GASK1A: variants seen among roughly 807,000 people sequenced by gnomAD.
GASK1A encodes golgi associated kinase 1A.
In GASK1A, 40 loss-of-function variants were observed where a neutral mutation model predicts 41.2. That is an observed-to-expected ratio of 0.97 (90% CI 0.75 to 1.27). GASK1A has a LOEUF of 1.27. Among genes scored for constraint, GASK1A ranks in the 50% most tolerant of loss-of-function variants. The pLI is 0.00. For missense variants in GASK1A, 678 were observed against 745.1 expected (o/e 0.91, Z 1.05); for synonymous variants, 316 against 307.1 (o/e 1.03, Z -0.30).
At chr3:43,051,335 A>C (rs577660860) in intron 2 of GASK1A, among the ~76,000 whole-genome samples, 2 of 152,264 alleles carry the variant, frequency 1.3e-5, no homozygotes, top group South Asian at 4.2e-4. Context: ...GATTTTCATG[A>C]ATTTCCGGAG....
At chr3:43,000,625 C>T (rs1346879929) in intron 1 of GASK1A, among the ~76,000 whole-genome samples, 1 of 152,240 alleles carries the variant, frequency 6.6e-6, no homozygotes, top group Non-Finnish European at 1.5e-5. Flanking sequence ...TGTTACATTC[C>T]TCTGTCACAT....
chr3:42,999,815 G>GGA (rs2089399941), intron 1 of GASK1A, among the ~76,000 whole-genome samples: 1 of 152,140 alleles, frequency 6.6e-6, no homozygotes, highest in Non-Finnish European at 1.5e-5. Context: ...AGGTTCTAGG[G>GGA]GAGAATCCTT....
chr3:43,001,779 C>G (rs2089410374), intron 1 of GASK1A, among the ~76,000 whole-genome samples: 1 of 152,142 alleles, frequency 6.6e-6, no homozygotes, highest in Non-Finnish European at 1.5e-5. Context: ...TGGAGGCAGT[C>G]AAGTTTGCTT....
intron 2 of GASK1A, among the ~76,000 whole-genome samples, chr3:43,043,539 G>A (rs2089648184): frequency 6.6e-6 from 1 of 152,162 alleles, no homozygotes; most frequent in African/African-American, 2.4e-5. Flanking sequence ...ATGTTCTGGG[G>A]ACTGGATCAC....
Position 42,979,470 on chromosome 3 carries a change from C to G in GASK1A, c.-173C>G. 1 of 612,638 alleles carries G rather than the reference C, an allele frequency of 1.6e-6. No individual in the cohort carries two copies. The highest frequency in any genetic ancestry group is 2.4e-6 in the Non-Finnish European group (1 of 422,496). 38.0% of individuals were successfully genotyped at this position (612,638 alleles called of 1,614,324 possible). ...TCTCCCGAGAGTTGGCGCAGGGCCA[C>G]TTGGCTGCAGAGAACGTGTGCACCT... On this transcript the variant is annotated 5_prime_UTR_variant, in exon 1 of 5. Coordinates refer to ENST00000430121, the MANE Select transcript of GASK1A (RefSeq NM_001129908.3).
chr3:43,050,096 T>C (rs1279995522), intron 2 of GASK1A, among the ~76,000 whole-genome samples: 2 of 152,156 alleles, frequency 1.3e-5, no homozygotes, highest in African/African-American at 4.8e-5. Flanking sequence ...TGTTTATCTA[T>C]GTAGTTACCT....
intron 1 of GASK1A, among the ~76,000 whole-genome samples, chr3:42,979,958 AGGGGAGCGTTCCCT>A (rs909175400): frequency 2.2e-4 from 33 of 152,226 alleles, no homozygotes; most frequent in African/African-American, 7.9e-4. Flanking sequence ...AGGCAGGGAG[AGGGGAGCGTTCCCT>A]GGGGAACCCA....
At chr3:43,024,178 C>T (rs9870478) in intron 1 of GASK1A, among the ~76,000 whole-genome samples, 25,393 of 152,130 alleles carry the variant, frequency 0.17, 2,281 homozygotes, top group Non-Finnish European at 0.2. Flanking sequence ...GCATACCTTT[C>T]GTGTGCAAAC....
intron 2 of GASK1A, among the ~76,000 whole-genome samples, chr3:43,041,714 A>G (rs1275005287): frequency 6.6e-6 from 1 of 152,196 alleles, no homozygotes; most frequent in Admixed American, 6.5e-5. Flanking sequence ...TCTGTAACAA[A>G]TGGGGTTCTG....
Position 43,056,454 on chromosome 3 carries a change from T to C in GASK1A, c.*68T>C. 7.4e-7 allele frequency: 1 copy of C among 1,358,720 alleles called. No individual in the cohort carries two copies. Among genetic ancestry groups the C allele is most frequent in the Non-Finnish European group, 9.9e-7 (1 of 1,015,036 alleles). The allele number at this position is 1,358,720 out of a possible 1,614,324, so 84.2% of individuals were successfully genotyped here. On this transcript the variant is annotated 3_prime_UTR_variant, in exon 5 of 5. Coordinates refer to ENST00000430121, the MANE Select transcript of GASK1A (RefSeq NM_001129908.3). ...CACATTTTCTTGGGCTCACTCATCT[T>C]GAGGACAAATGGGAAAAGCCAGAAG...
intron 2 of GASK1A, among the ~76,000 whole-genome samples, chr3:43,044,620 C>A (rs972268397): frequency 2.0e-5 from 3 of 152,196 alleles, no homozygotes; most frequent in Non-Finnish European, 4.4e-5. Context: ...CAGGATTCAT[C>A]CCCAAATTCA....
intron 2 of GASK1A, among the ~76,000 whole-genome samples, chr3:43,049,930 C>CA (rs2089680729): frequency 6.6e-6 from 1 of 151,072 alleles, no homozygotes; most frequent in Non-Finnish European, 1.5e-5. Context: ...CTCTCCCCCC[C>CA]CACTTTTATG....
At position 43,033,269 on chromosome 3, in the gene GASK1A, C is replaced by A; in HGVS notation, c.1006C>A (p.Arg336Ser). ...LPEVLSFHVD[R>S]VLGLRRSLPA... ...TGAGGTCCTGTCCTTCCACGTAGATCGTGTGCTGGGGCTGCGCCGGAGCCT... is the reference window on the plus strand; with the variant it reads ...TGAGGTCCTGTCCTTCCACGTAGATAGTGTGCTGGGGCTGCGCCGGAGCCT... Residue 336 changes from arginine to serine, a missense_variant, in exon 2 of 5, where the codon CGT (arginine) becomes AGT (serine). Coordinates refer to ENST00000430121, the MANE Select transcript of GASK1A (RefSeq NM_001129908.3). The A allele has an allele frequency of 1.9e-6, 3 of 1,551,686 alleles. No individual in the cohort carries two copies. The highest frequency in any genetic ancestry group is 2.6e-6 in the Non-Finnish European group (3 of 1,146,994).
At chr3:42,997,845 G>A (rs1002719875) in intron 1 of GASK1A, among the ~76,000 whole-genome samples, 1 of 152,200 alleles carries the variant, frequency 6.6e-6, no homozygotes, top group Non-Finnish European at 1.5e-5. Context: ...ACGGAGGGAG[G>A]AAGTGAGACA....
At position 43,033,052 on chromosome 3, in the gene GASK1A, C is replaced by A. The variant is rs1219900590; in HGVS notation, c.789C>A (p.Asp263Glu). The A allele has an allele frequency of 1.3e-6, 2 of 1,551,586 alleles. No homozygotes were observed. The highest frequency in any genetic ancestry group is 1.4e-5 in the African/African-American group (1 of 73,050). The stretch of plus-strand genomic sequence containing the variant: ...GGCAGGCTCCCCCATGGCTGACAGA[C>A]CACGATGTGCAGATGCTCCGTCTGT... ...TGGQAPPWLT[D>E]HDVQMLRLLA... The change falls in exon 2 of 5, where the codon GAC (aspartate) becomes GAA (glutamate). Residue 263 changes from aspartate to glutamate, a missense_variant. Physicochemically the swap from Asp to Glu is conservative, Grantham distance 45. Transcript: ENST00000430121.
At chr3:43,012,059 G>T (rs2089466153) in intron 1 of GASK1A, among the ~76,000 whole-genome samples, 1 of 151,678 alleles carries the variant, frequency 6.6e-6, no homozygotes, top group Non-Finnish European at 1.5e-5. Flanking sequence ...GGAAGGGACA[G>T]TGTTGAGCCA....
chr3:43,013,089 G>T (rs1014078288), intron 1 of GASK1A, among the ~76,000 whole-genome samples: 7 of 151,550 alleles, frequency 4.6e-5, no homozygotes, highest in Non-Finnish European at 1.5e-5. Flanking sequence ...ACAGGAAGGG[G>T]CAGTGGAAAG....
chr3:43,032,892 C>G lies in GASK1A; in HGVS notation c.629C>G (p.Ala210Gly), dbSNP rs1231391324. Residue 210 changes from alanine (A) to glycine (G), a missense_variant, in exon 2 of 5, where the codon GCC (alanine) becomes GGC (glycine). Physicochemically the swap from Ala to Gly is moderately conservative, Grantham distance 60. Coordinates refer to ENST00000430121, the MANE Select transcript of GASK1A (RefSeq NM_001129908.3). ...GATCTGCTGGGAGCTGAGAACAGAG[C>G]CTTGACTGGTGGGCAACAAGCAGAG... is the stretch of plus-strand genomic sequence containing the variant. Reference protein sequence around the residue: ...GRDLLGAENRALTGGQQAEDP... With the variant: ...GRDLLGAENRGLTGGQQAEDP... The G allele has an allele frequency of 3.9e-6, 6 of 1,551,116 alleles. No individual in the cohort carries two copies. Among genetic ancestry groups the G allele is most frequent in the Non-Finnish European group, 5.2e-6 (6 of 1,147,008 alleles).
At chr3:43,017,996 G>C (rs1256999438) in intron 1 of GASK1A, among the ~76,000 whole-genome samples, 1 of 152,206 alleles carries the variant, frequency 6.6e-6, no homozygotes, top group African/African-American at 2.4e-5. Flanking sequence ...GTCACTGGAA[G>C]TGGCCGTATG....
Sources: gnomAD v4.1 joint callset for allele counts (sites outside exome capture counted in the v4.1 genomes callset) on GRCh38, gnomAD v4.1.1 for gene constraint, MANE v1.5 for transcripts, NCBI Gene and HGNC (gene_info 2026-07-23, HGNC 2026-07-21) for gene names.